The following PHACTR4 variants were observed in gnomAD, a reference collection of about 807,000 sequenced individuals.
The protein encoded by PHACTR4 is phosphatase and actin regulator 4, also known as protein phosphatase 1, regulatory subunit 124.
Under a neutral mutation model 72.7 loss-of-function variants are expected in PHACTR4, and 51 were observed. The observed-to-expected ratio is 0.70, with a 90% CI of 0.56 to 0.89. The LOEUF (loss-of-function observed/expected upper bound fraction) is 0.89, where lower values mean the gene tolerates loss of function less well. Among genes scored for constraint, PHACTR4 ranks in the 40% least tolerant of loss-of-function variants. The pLI, the probability that PHACTR4 is intolerant of heterozygous loss-of-function variation, is 0.00. For missense variants in PHACTR4, 731 were observed against 861.8 expected, an observed-to-expected ratio of 0.85 and a Z score of 1.90; for synonymous variants, 255 against 302.5, an observed-to-expected ratio of 0.84 and a Z score of 1.63.
At position 28,453,586 on chromosome 1, in the gene PHACTR4, A is replaced by C. The variant is rs1658136909; in HGVS notation, c.17-5499A>C. ...GGGACTTGGGCAGCAGAGGCAGCACAGTGGATGCATTTCTGACCTTCTACA... is the reference window on the plus strand; with the variant it reads ...GGGACTTGGGCAGCAGAGGCAGCACCGTGGATGCATTTCTGACCTTCTACA... On this transcript the variant is annotated intron_variant, in intron 2 of 13. Coordinates refer to ENST00000373839, the MANE Select transcript of PHACTR4 (RefSeq NM_001048183.3). 1.8e-5 allele frequency: 17 copies of C among 924,856 alleles called. No individual in the cohort carries two copies. In the Middle Eastern group the frequency reaches 7.5e-4, roughly 41 times the overall value. The allele number at this position is 924,856 out of a possible 1,614,324, so 57.3% of individuals were successfully genotyped here.
intron 13 of PHACTR4, among the ~76,000 whole-genome samples, chr1:28,496,139 C>G (rs1222618441): frequency 2.1e-5 from 3 of 139,714 alleles, no homozygotes; most frequent in Non-Finnish European, 4.6e-5. Flanking sequence ...TCACTGCAAA[C>G]TCCACCTCCC....
intron 2 of PHACTR4, among the ~76,000 whole-genome samples, chr1:28,457,624 A>G (rs1329435246): frequency 6.6e-6 from 1 of 151,646 alleles, no homozygotes; most frequent in African/African-American, 2.4e-5. Context: ...TAATAATAAT[A>G]ATAAATTTTT....
intron 2 of PHACTR4, among the ~76,000 whole-genome samples, chr1:28,440,398 T>TTTTTC: frequency 9.6e-6 from 1 of 103,842 alleles, no homozygotes; most frequent in Non-Finnish European, 2.0e-5. Flanking sequence ...TCAATTCTTT[T>TTTTTC]TTTTTTTTTT....
At chr1:28,463,206 T>TA (rs1296167277) in intron 4 of PHACTR4, among the ~76,000 whole-genome samples, 2 of 151,324 alleles carry the variant, frequency 1.3e-5, no homozygotes, top group Admixed American at 6.6e-5. Flanking sequence ...TTTTTTTTTT[T>TA]AAAAAAAGGT....
At chr1:28,477,296 C>G (rs2124514497) in intron 8 of PHACTR4, among the ~76,000 whole-genome samples, 1 of 151,670 alleles carries the variant, frequency 6.6e-6, no homozygotes, top group African/African-American at 2.4e-5. Context: ...CTGTGTTGGC[C>G]AGGCTGGTCT....
rs770487788 is a variant in PHACTR4 at position 28,480,608 on chromosome 1, G to A, written c.1760+4G>A. 1.7e-5 allele frequency: 28 copies of A among 1,613,878 alleles called. No individual in the cohort carries two copies. Among genetic ancestry groups the A allele is most frequent in the Non-Finnish European group, 2.0e-5 (24 of 1,179,912 alleles). On this transcript the variant is annotated splice_donor_region_variant and intron_variant, in intron 9 of 13. Coordinates refer to ENST00000373839, the MANE Select transcript of PHACTR4 (RefSeq NM_001048183.3). ...AGATTGGAAACACACTGATCCGGTAGGCCTTTGCTTAGATTTGCTTGATTG... is the reference window on the plus strand; with the variant it reads ...AGATTGGAAACACACTGATCCGGTAAGCCTTTGCTTAGATTTGCTTGATTG...
chr1:28,489,641 G>A (rs1660912491), intron 10 of PHACTR4: 3 of 368,620 alleles, frequency 8.1e-6, no homozygotes, highest in Non-Finnish European at 1.6e-5. Flanking sequence ...CTTTTCTCTT[G>A]GTTTAATCCC....
At chr1:28,450,036 A>G (rs1461037873) in intron 2 of PHACTR4, among the ~76,000 whole-genome samples, 1 of 152,114 alleles carries the variant, frequency 6.6e-6, no homozygotes, top group Non-Finnish European at 1.5e-5. Flanking sequence ...GGGAGTAAGT[A>G]GTTTAAATAC....
intron 2 of PHACTR4, among the ~76,000 whole-genome samples, chr1:28,419,653 T>C (rs943174191): frequency 6.6e-6 from 1 of 152,100 alleles, no homozygotes; most frequent in African/African-American, 2.4e-5. Flanking sequence ...GGTCAAAAAC[T>C]AGAACGAAAA....
intron 1 of PHACTR4, among the ~76,000 whole-genome samples, chr1:28,378,579 CCTTT>C (rs765615829): frequency 1.5e-5 from 2 of 137,060 alleles, no homozygotes; most frequent in African/African-American, 2.8e-5. Context: ...GCCCCCCCCC[CCTTT>C]TTTTTTAACA....
chr1:28,375,713 G>A (rs367687954), intron 1 of PHACTR4, among the ~76,000 whole-genome samples: 58 of 152,158 alleles, frequency 3.8e-4, no homozygotes, highest in African/African-American at 1.4e-3. Context: ...AAGTAAAATA[G>A]GAAAGAGAGA....
chr1:28,433,656 C>G (rs1656437502), intron 2 of PHACTR4, among the ~76,000 whole-genome samples: 1 of 151,550 alleles, frequency 6.6e-6, no homozygotes, highest in Non-Finnish European at 1.5e-5. Flanking sequence ...CGGAGTTTTT[C>G]CATGTTGGCC....
chr1:28,455,198 C>CTTTTT (rs139479738), intron 2 of PHACTR4, among the ~76,000 whole-genome samples: 61 of 85,960 alleles, frequency 7.1e-4, no homozygotes, highest in Non-Finnish European at 1.1e-3. Flanking sequence ...TTCTTTCTTT[C>CTTTTT]TTTTTTTTTT....
chr1:28,479,055 C>T (rs137889269), intron 8 of PHACTR4, among the ~76,000 whole-genome samples: 15,827 of 151,778 alleles, frequency 0.1, 1,897 homozygotes, highest in African/African-American at 0.3. Flanking sequence ...AGGCCGAGGC[C>T]GGTGAGGTCA....
intron 1 of PHACTR4, among the ~76,000 whole-genome samples, chr1:28,377,475 A>G (rs1230679481): frequency 6.7e-6 from 1 of 149,500 alleles, no homozygotes; most frequent in East Asian, 2.0e-4. Flanking sequence ...CCTGACCTCA[A>G]GTGATCCGCC....
Position 28,397,495 on chromosome 1 carries a change from GAGA to G in PHACTR4, c.-38-9912_-38-9910del, listed in dbSNP as rs1413800731. Among the ~76,000 whole-genome samples, 4 of 152,236 alleles carry G rather than the reference GAGA, an allele frequency of 2.6e-5. No homozygotes were observed. The South Asian group carries it at 8.3e-4, about 32-fold the overall frequency. ...TGGCTTGTTAAGCTTTCTCAGGAGG[GAGA>G]AGGTTATTTTGAATAACACGGGTCT... On this transcript the variant is annotated intron_variant, in intron 1 of 13. Coordinates refer to ENST00000373839, the MANE Select transcript of PHACTR4 (RefSeq NM_001048183.3).
intron 1 of PHACTR4, among the ~76,000 whole-genome samples, chr1:28,392,220 T>C (rs1461729196): frequency 6.6e-6 from 1 of 152,060 alleles, no homozygotes; most frequent in Non-Finnish European, 1.5e-5. Context: ...TCATGAATCA[T>C]CTCTTTGCTC....
intron 6 of PHACTR4, 53 bp downstream of exon 6, chr1:28,466,821 G>A (rs1314192515): frequency 6.5e-7 from 1 of 1,542,816 alleles, no homozygotes; most frequent in East Asian, 2.3e-5. Flanking sequence ...ATGTTGGATG[G>A]TTATTTTATT....
chr1:28,448,522 G>A (rs1657645713), intron 2 of PHACTR4, among the ~76,000 whole-genome samples: 1 of 150,842 alleles, frequency 6.6e-6, no homozygotes, highest in Admixed American at 6.6e-5. Flanking sequence ...GGAGGCCGAG[G>A]AGGGCGGATC....
Sources: gnomAD v4.1 joint callset for allele counts (sites outside exome capture counted in the v4.1 genomes callset) on GRCh38, gnomAD v4.1.1 for gene constraint, MANE v1.5 for transcripts, NCBI Gene and HGNC (gene_info 2026-07-23, HGNC 2026-07-21) for gene names.